The following ZNF536 variants were observed in gnomAD, a reference collection of about 807,000 sequenced individuals.
ZNF536 encodes the protein zinc finger protein 536.
ZNF536 carries 13 observed loss-of-function variants against 84.5 expected under a neutral mutation model. The observed-to-expected ratio is 0.15, with a 90% confidence interval of 0.10 to 0.24. The LOEUF is 0.24. Ranked by LOEUF, ZNF536 falls within the 10% of genes least tolerant of loss-of-function variation. The pLI, the probability that ZNF536 is intolerant of heterozygous loss-of-function variation, is 1.00. For synonymous variants in ZNF536, 811 were observed against 742.5 expected, an observed-to-expected ratio of 1.09 and a Z score of -1.50; for missense variants, 1,536 against 1,747.5, an observed-to-expected ratio of 0.88 and a Z score of 2.16.
intron 2 of ZNF536, among the ~76,000 whole-genome samples, chr19:30,286,390 T>A (rs2045627412): frequency 6.6e-6 from 1 of 152,142 alleles, no homozygotes; most frequent in Admixed American, 6.5e-5. Context: ...AGAAACAGGT[T>A]TTGCCCTTGG....
chr19:30,397,938 T>C (rs527267376), intron 1 of ZNF536, among the ~76,000 whole-genome samples: 3 of 152,328 alleles, frequency 2.0e-5, no homozygotes, highest in African/African-American at 7.2e-5. Context: ...TCTAGGATGT[T>C]AGAAAGTACA....
chr19:30,589,979 T>C (rs888606800), intron 1 of ZNF536, among the ~76,000 whole-genome samples: 2 of 152,170 alleles, frequency 1.3e-5, no homozygotes, highest in Non-Finnish European at 2.9e-5. Flanking sequence ...GGATCATCTT[T>C]AAAGATAGTA....
chr19:30,490,652 C>T (rs760818624), intron 2 of ZNF536, among the ~76,000 whole-genome samples: 2 of 152,016 alleles, frequency 1.3e-5, no homozygotes, highest in Non-Finnish European at 2.9e-5. Flanking sequence ...GAAATAAGGC[C>T]CTATTGTTAT....
chr19:30,529,178 A>T (rs1187494239), intron 2 of ZNF536, among the ~76,000 whole-genome samples: 1 of 152,174 alleles, frequency 6.6e-6, no homozygotes, highest in Non-Finnish European at 1.5e-5. Context: ...TTTAGAGAGA[A>T]TCTAGGGGGA....
intron 1 of ZNF536, among the ~76,000 whole-genome samples, chr19:30,402,794 A>T (rs868606243): frequency 5.2e-5 from 4 of 76,736 alleles, no homozygotes; most frequent in African/African-American, 1.3e-4. Flanking sequence ...TTAAAATTAA[A>T]AAATATATAT....
chr19:30,548,623 G>A lies in ZNF536; in HGVS notation c.3004G>A (p.Gly1002Ser), dbSNP rs752209246. ...VTVQDSIAWH[G>S]CLFCAFTTSS... The stretch of plus-strand genomic sequence containing the variant: ...TGTGCAGGACAGCATTGCATGGCAC[G>A]GCTGCTTGTTTTGTGCTTTCACAAC... The change falls in exon 4 of 5, where the codon GGC (glycine) becomes AGC (serine). Residue 1002 changes from glycine to serine, a missense_variant. Gly to Ser is a moderately conservative substitution (Grantham distance 56, BLOSUM62 0). Coordinates refer to ENST00000355537, the MANE Select transcript of ZNF536 (RefSeq NM_014717.3). The A allele has an allele frequency of 1.9e-5, 30 of 1,613,944 alleles. No individual in the cohort carries two copies. Among genetic ancestry groups the A allele is most frequent in the African/African-American group, 1.1e-4 (8 of 74,900 alleles).
chr19:30,611,451 C>T (rs1228977254), intron 1 of ZNF536, among the ~76,000 whole-genome samples: 2 of 152,296 alleles, frequency 1.3e-5, no homozygotes, highest in East Asian at 3.9e-4. Flanking sequence ...TTGATAAAGA[C>T]AGAAATAAAA....
At chr19:30,311,193 T>G (rs1335973241) in intron 2 of ZNF536, among the ~76,000 whole-genome samples, 1 of 152,146 alleles carries the variant, frequency 6.6e-6, no homozygotes, top group Non-Finnish European at 1.5e-5. Context: ...TCTTTCCTAA[T>G]GCTCTGGGCA....
At chr19:30,292,967 C>T (rs1343008934) in intron 2 of ZNF536, among the ~76,000 whole-genome samples, 1 of 152,180 alleles carries the variant, frequency 6.6e-6, no homozygotes, top group East Asian at 1.9e-4. Flanking sequence ...GAATTATTTC[C>T]ATAACCGAGA....
chr19:30,529,494 C>A (rs766671785), intron 2 of ZNF536, among the ~76,000 whole-genome samples: 11 of 152,106 alleles, frequency 7.2e-5, no homozygotes, highest in African/African-American at 1.2e-4. Flanking sequence ...CCATTTTAAT[C>A]CCCCCAACTC....
At chr19:30,688,799 T>G (rs893071493) in intron 1 of ZNF536, among the ~76,000 whole-genome samples, 2 of 152,160 alleles carry the variant, frequency 1.3e-5, no homozygotes, top group African/African-American at 2.4e-5. Context: ...TGGCTCTTAC[T>G]GGGGGAAACT....
chr19:30,262,293 G>C (rs575651290), intron 1 of ZNF536, among the ~76,000 whole-genome samples: 1 of 152,338 alleles, frequency 6.6e-6, no homozygotes, highest in East Asian at 1.9e-4. Context: ...AGGTCCTCCA[G>C]GTGCAGGTGG....
intron 2 of ZNF536, among the ~76,000 whole-genome samples, chr19:30,305,554 C>T (rs2145995538): frequency 6.6e-6 from 1 of 152,200 alleles, no homozygotes; most frequent in East Asian, 1.9e-4. Flanking sequence ...CCCTGAGCCT[C>T]AGCCCCCTTC....
At chr19:30,349,992 G>A (rs780146344) in intron 2 of ZNF536, among the ~76,000 whole-genome samples, 4 of 151,888 alleles carry the variant, frequency 2.6e-5, no homozygotes, top group African/African-American at 4.8e-5. Flanking sequence ...GAGATGCTCC[G>A]AAAGTTGTTT....
intron 1 of ZNF536, among the ~76,000 whole-genome samples, chr19:30,373,444 AAAAAC>A (rs1187497395): frequency 6.6e-6 from 1 of 152,012 alleles, no homozygotes; most frequent in African/African-American, 2.4e-5. Flanking sequence ...AAATGCCTGG[AAAAAC>A]AAAACAAAAT....
At chr19:30,410,503 C>T (rs1332882004) in intron 1 of ZNF536, among the ~76,000 whole-genome samples, 1 of 121,538 alleles carries the variant, frequency 8.2e-6, no homozygotes, top group Non-Finnish European at 1.6e-5. Context: ...GAGACGGAGT[C>T]TCGCTCTGTC....
At chr19:30,289,705 C>T (rs2045768898) in intron 2 of ZNF536, among the ~76,000 whole-genome samples, 1 of 152,176 alleles carries the variant, frequency 6.6e-6, no homozygotes, top group African/African-American at 2.4e-5. Context: ...CCTCTGAGCC[C>T]TCTTTTCTCA....
At chr19:30,499,432 G>A (rs182533409) in intron 2 of ZNF536, among the ~76,000 whole-genome samples, 4 of 152,006 alleles carry the variant, frequency 2.6e-5, no homozygotes, top group Non-Finnish European at 4.4e-5. Flanking sequence ...AACGTATGTC[G>A]GTATGTATCT....
intron 2 of ZNF536, among the ~76,000 whole-genome samples, chr19:30,311,889 T>A (rs897707561): frequency 6.6e-6 from 1 of 152,022 alleles, no homozygotes; most frequent in East Asian, 1.9e-4. Context: ...GGAAACATAG[T>A]GAGACCTCAT....
Sources: allele counts gnomAD v4.1 joint callset (sites outside exome capture counted in the v4.1 genomes callset), GRCh38; gene constraint gnomAD v4.1.1; transcripts MANE v1.5; gene names NCBI Gene and HGNC (gene_info 2026-07-23, HGNC 2026-07-21).